Variants in ATE1 observed in about 807,000 individuals in gnomAD.
ATE1 encodes arginyltransferase 1.
ATE1 carries 36 observed loss-of-function variants against 70.5 expected under a neutral mutation model. The observed-to-expected ratio is 0.51, with a 90% confidence interval of 0.39 to 0.67. The LOEUF (loss-of-function observed/expected upper bound fraction) is 0.67, where lower values mean the gene tolerates loss of function less well. Among genes scored for constraint, ATE1 ranks in the 30% least tolerant of loss-of-function variants. ATE1 has a pLI of 0.00. For synonymous variants in ATE1, 232 were observed against 219.3 expected (o/e 1.06, Z -0.51); for missense variants, 593 against 629.5 (o/e 0.94, Z 0.62).
intron 8 of ATE1, among the ~76,000 whole-genome samples, chr10:121,868,464 T>C (rs1237106157): frequency 6.6e-6 from 1 of 152,240 alleles, no homozygotes; most frequent in Non-Finnish European, 1.5e-5. Flanking sequence ...AGTTAGAAAG[T>C]GCTTCCATAA....
chr10:121,801,625 T>C (rs945054597), intron 10 of ATE1, among the ~76,000 whole-genome samples: 27 of 152,210 alleles, frequency 1.8e-4, no homozygotes, highest in African/African-American at 6.3e-4. Context: ...TGAATATTCA[T>C]ATATGTGTCT....
intron 10 of ATE1, among the ~76,000 whole-genome samples, chr10:121,823,076 G>A (rs944297633): frequency 2.6e-5 from 4 of 152,092 alleles, no homozygotes; most frequent in African/African-American, 9.7e-5. Flanking sequence ...GGATCACAAG[G>A]TCAGGAGATC....
intron 7 of ATE1, among the ~76,000 whole-genome samples, chr10:121,886,559 G>C (rs1440664787): frequency 6.6e-6 from 1 of 152,080 alleles, no homozygotes; most frequent in South Asian, 2.1e-4. Flanking sequence ...ACAGCTCCCC[G>C]CCACCTGAAC....
At chr10:121,894,090 T>C (rs889953039) in intron 7 of ATE1, among the ~76,000 whole-genome samples, 2 of 147,854 alleles carry the variant, frequency 1.4e-5, no homozygotes, top group Non-Finnish European at 3.0e-5. Context: ...TGAGCCAAGA[T>C]TGCGCCATCG....
chr10:121,885,579 A>AC (rs933802971), intron 7 of ATE1, among the ~76,000 whole-genome samples: 6 of 150,812 alleles, frequency 4.0e-5, no homozygotes, highest in African/African-American at 1.5e-4. Flanking sequence ...AAAAAAAAAA[A>AC]AAAAAAACAT....
chr10:121,915,005 C>T (rs1478283208), intron 3 of ATE1, among the ~76,000 whole-genome samples: 5 of 152,164 alleles, frequency 3.3e-5, no homozygotes, highest in Non-Finnish European at 7.3e-5. Context: ...AAACCAAACC[C>T]ATCAGGTACA....
intron 8 of ATE1, among the ~76,000 whole-genome samples, chr10:121,845,522 G>T (rs115430771): frequency 0.017 from 2,551 of 152,266 alleles, 76 homozygotes; most frequent in African/African-American, 0.058. Flanking sequence ...TGAGGGAGGG[G>T]AAAGCTGCTG....
At position 121,790,197 on chromosome 10, in the gene ATE1, G is replaced by A; in HGVS notation, c.1350C>T (p.Tyr450=). The change falls in exon 11 of 12, where the codon TAC becomes TAT. Residue 450 remains tyrosine, a synonymous_variant. Coordinates refer to ENST00000224652, the MANE Select transcript of ATE1 (RefSeq NM_001001976.3). ...CTTCTGGGTCCTGGTTGAAACGGCA[G>A]TACTTGGAGTTTTCAAGTGAAGGCA... ...QCLPSLENSK[Y]CRFNQDPEAV... is the part of the protein sequence containing the mutation. 1 of 1,614,076 alleles carries A rather than the reference G, an allele frequency of 6.2e-7. No individual in the cohort carries two copies. The highest frequency in any genetic ancestry group is 8.5e-7 in the Non-Finnish European group (1 of 1,179,950).
chr10:121,760,088 A>G (rs1420482195), intron 11 of ATE1, among the ~76,000 whole-genome samples: 1 of 152,226 alleles, frequency 6.6e-6, no homozygotes, highest in South Asian at 2.1e-4. Context: ...GTTGAGACCT[A>G]CTGCTCAGTT....
chr10:121,873,650 ATC>A, intron 7 of ATE1, among the ~76,000 whole-genome samples: 1 of 151,988 alleles, frequency 6.6e-6, no homozygotes, highest in African/African-American at 2.4e-5. Flanking sequence ...TTGTCAAAAG[ATC>A]CTAGCAATTT....
At chr10:121,923,661 A>C (rs1024747740) in intron 2 of ATE1, among the ~76,000 whole-genome samples, 1 of 152,220 alleles carries the variant, frequency 6.6e-6, no homozygotes, top group Non-Finnish European at 1.5e-5. Context: ...TATTTACACA[A>C]GGAACTTTAC....
At chr10:121,922,465 A>G (rs1221255388) in intron 2 of ATE1, 54 bp from the exon 3 acceptor site, 2 of 1,098,086 alleles carry the variant, frequency 1.8e-6, no homozygotes, top group Non-Finnish European at 2.7e-6. Context: ...ACTTGCACCA[A>G]AACAGCCTAG....
intron 3 of ATE1, among the ~76,000 whole-genome samples, chr10:121,915,722 TAATA>T (rs1951623964): frequency 6.6e-6 from 1 of 150,936 alleles, no homozygotes; most frequent in Non-Finnish European, 1.5e-5. Context: ...ACCCTGTCTC[TAATA>T]AAAATACAAA....
chr10:121,892,277 TAATAGAACTATCACTAGGGCAACTGGC>T (rs1417658184), intron 7 of ATE1, among the ~76,000 whole-genome samples: 1 of 151,996 alleles, frequency 6.6e-6, no homozygotes, highest in African/African-American at 2.4e-5. Context: ...ACCATCTCCT[TAATAGAACTATCACTAGGGCAACTGGC>T]AGGTTAATCC....
chr10:121,774,847 A>G (rs1302396104), intron 11 of ATE1, among the ~76,000 whole-genome samples: 1 of 152,182 alleles, frequency 6.6e-6, no homozygotes, highest in Non-Finnish European at 1.5e-5. Flanking sequence ...CCCCCAAAAA[A>G]ATGAAGATTA....
At chr10:121,759,024 C>G (rs1944925285) in intron 11 of ATE1, among the ~76,000 whole-genome samples, 3 of 152,092 alleles carry the variant, frequency 2.0e-5, no homozygotes, top group Non-Finnish European at 2.9e-5. Context: ...CCTAAAAGGC[C>G]TCTAAGTGTT....
intron 11 of ATE1, among the ~76,000 whole-genome samples, chr10:121,768,139 A>G (rs1425080329): frequency 6.6e-6 from 1 of 152,238 alleles, no homozygotes; most frequent in Non-Finnish European, 1.5e-5. Context: ...TACTTAGAGA[A>G]GTCAAATTTA....
At chr10:121,863,618 T>G (rs1203904314) in intron 8 of ATE1, among the ~76,000 whole-genome samples, 1 of 152,086 alleles carries the variant, frequency 6.6e-6, no homozygotes, top group Non-Finnish European at 1.5e-5. Context: ...TTTTTTCATT[T>G]TTATTTTTAG....
rs191968405 is a variant in ATE1, at chr10:121,757,245, A to G, written c.1379-13387T>C. On this transcript the variant is annotated intron_variant, in intron 11 of 11. Transcript: ENST00000224652. Reference sequence around the variant, plus strand: ...GAGTTCCTCATCTCCATTTGAGACCACCTCAGCCTGGTCCTTATTGTCCAT... The same window carrying G: ...GAGTTCCTCATCTCCATTTGAGACCGCCTCAGCCTGGTCCTTATTGTCCAT... 2.3e-4 allele frequency among the ~76,000 whole-genome samples: 35 copies of G among 152,258 alleles called. 1 individual carries two copies. The East Asian group carries it at 6.2e-3, about 27-fold the overall frequency.
Sources: gnomAD v4.1 joint callset for allele counts (sites outside exome capture counted in the v4.1 genomes callset) on GRCh38, gnomAD v4.1.1 for gene constraint, MANE v1.5 for transcripts, NCBI Gene and HGNC (gene_info 2026-07-23, HGNC 2026-07-21) for gene names.